NKIRAS1: variants seen among roughly 807,000 people sequenced by gnomAD.
The protein encoded by NKIRAS1 is NF-kappa-B inhibitor-interacting Ras-like protein 1.
In NKIRAS1, 16 loss-of-function variants were observed where a neutral mutation model predicts 19.8. That is an observed-to-expected ratio of 0.81 (90% CI 0.55 to 1.23). The LOEUF (loss-of-function observed/expected upper bound fraction) is 1.23, where lower values mean the gene tolerates loss of function less well. Ranked by LOEUF, NKIRAS1 falls within the 50% of genes most tolerant of loss-of-function variation. The pLI is 0.00. For missense variants in NKIRAS1, 184 were observed against 220.0 expected (o/e 0.84, Z 1.04); for synonymous variants, 88 against 79.0 (o/e 1.11, Z -0.61).
intron 4 of NKIRAS1, among the ~76,000 whole-genome samples, chr3:23,896,267 T>C (rs1201582839): frequency 2.6e-5 from 4 of 151,620 alleles, no homozygotes; most frequent in African/African-American, 9.7e-5. Flanking sequence ...CTCCAGCACT[T>C]AGTCCCCTCA....
At position 23,890,485 on chromosome 3, in the gene NKIRAS1, G is replaced by A. The variant is rs748902545; in HGVS notation, c.*2610C>T. The A allele has an allele frequency of 1.2e-6, 2 of 1,602,344 alleles. No individual in the cohort carries two copies. Among genetic ancestry groups the A allele is most frequent in the Admixed American group, 3.5e-5 (2 of 57,680 alleles). Reference sequence around the variant, plus strand: ...AAAATGTTCTTTTCCTTTCTCCAAAGTAATCTACATTCTTTTCTTCCAGCC... The same window carrying A: ...AAAATGTTCTTTTCCTTTCTCCAAAATAATCTACATTCTTTTCTTCCAGCC... On this transcript the variant is annotated 3_prime_UTR_variant, in exon 5 of 5. Transcript: ENST00000425478.
chr3:23,935,503 CCACTAA>C (rs1705377524), intron 1 of NKIRAS1, among the ~76,000 whole-genome samples: 1 of 152,110 alleles, frequency 6.6e-6, no homozygotes, highest in Non-Finnish European at 1.5e-5. Flanking sequence ...GGAGCCTCTA[CCACTAA>C]CACTTAGGCT....
At chr3:23,905,674 C>T (rs1320263359) in intron 3 of NKIRAS1, among the ~76,000 whole-genome samples, 1 of 151,916 alleles carries the variant, frequency 6.6e-6, no homozygotes, top group Non-Finnish European at 1.5e-5. Context: ...TATCTCAATT[C>T]GGAAGCCCCA....
intron 1 of NKIRAS1, among the ~76,000 whole-genome samples, chr3:23,935,169 C>G (rs1705372194): frequency 6.6e-6 from 1 of 151,538 alleles, no homozygotes; most frequent in African/African-American, 2.4e-5. Context: ...CAGAAACCAT[C>G]AGGCTTTAAA....
intron 1 of NKIRAS1, among the ~76,000 whole-genome samples, chr3:23,928,558 TATGTGGAAGCTGACTCCAA>T (rs1186780519): frequency 6.6e-6 from 1 of 151,830 alleles, no homozygotes; most frequent in Non-Finnish European, 1.5e-5. Flanking sequence ...GATAATGCCA[TATGTGGAAGCTGACTCCAA>T]GTCAAGATTT....
At chr3:23,946,352 C>T (rs1018255429) in exon 1 of NKIRAS1, 6 of 949,204 alleles carry the variant, frequency 6.3e-6, no homozygotes, top group Non-Finnish European at 7.5e-6. Context: ...AAGTGCAGGA[C>T]GAGGGCGTGC....
chr3:23,908,987 C>T (rs1053396454), intron 3 of NKIRAS1, among the ~76,000 whole-genome samples: 1 of 151,970 alleles, frequency 6.6e-6, no homozygotes, highest in Non-Finnish European at 1.5e-5. Context: ...TGAGCCATCA[C>T]GCCTGGCCAC....
At chr3:23,909,849 TTTTTGTTTTTTTTTG>T (rs1431412555) in intron 3 of NKIRAS1, among the ~76,000 whole-genome samples, 6 of 113,802 alleles carry the variant, frequency 5.3e-5, no homozygotes, top group Admixed American at 9.6e-5. Flanking sequence ...TGCAAAGTTG[TTTTTGTTTTTTTTTG>T]TTTTTTTTTT....
intron 1 of NKIRAS1, among the ~76,000 whole-genome samples, chr3:23,933,017 T>A (rs1332955292): frequency 6.6e-6 from 1 of 152,150 alleles, no homozygotes; most frequent in East Asian, 1.9e-4. Context: ...ATGGGGAGAC[T>A]TCAGGCCTAA....
chr3:23,890,449 C>G lies in NKIRAS1; in HGVS notation c.*2646G>C. On this transcript the variant is annotated 3_prime_UTR_variant, in exon 5 of 5. Transcript: ENST00000425478. ...CGTATCTACCCAAGCTGTCACTATT[C>G]GCTAAAGTTTAAAATGTTCTTTTCC... 1.3e-6 allele frequency: 2 copies of G among 1,541,436 alleles called. No homozygotes were observed. The highest frequency in any genetic ancestry group is 1.8e-6 in the Non-Finnish European group (2 of 1,131,832).
At chr3:23,944,324 T>C (rs567892842) in intron 1 of NKIRAS1, among the ~76,000 whole-genome samples, 25 of 152,264 alleles carry the variant, frequency 1.6e-4, no homozygotes, top group Admixed American at 5.9e-4. Flanking sequence ...CCACCTTCTA[T>C]AGTGAAGAAT....
rs1166466359 is a variant in NKIRAS1, at chr3:23,891,802, G to T, written c.*1293C>A. 1.3e-5 allele frequency: 2 copies of T among 152,196 alleles called. No homozygotes were observed. Among genetic ancestry groups the T allele is most frequent in the East Asian group, 3.8e-4 (2 of 5,202 alleles). The allele number at this position is 152,196 out of a possible 1,614,324, so 9.4% of individuals were successfully genotyped here. A position where few individuals can be genotyped will look rare whatever the true frequency, so the allele number is the denominator to read the frequency against. On this transcript the variant is annotated 3_prime_UTR_variant, in exon 5 of 5. Coordinates refer to ENST00000425478, the MANE Select transcript of NKIRAS1 (RefSeq NM_020345.4). ...CATTAGTAGGAAACAAAGCAAACTG[G>T]AAGGTACTTATTTAAAAATCATTAT...
At chr3:23,902,160 CA>C (rs549176146) in intron 3 of NKIRAS1, among the ~76,000 whole-genome samples, 5 of 152,144 alleles carry the variant, frequency 3.3e-5, no homozygotes, top group African/African-American at 4.8e-5. Context: ...ATACCCCCCC[CA>C]ATCATACTAT....
chr3:23,945,192 G>C (rs569009224), intron 1 of NKIRAS1: 1 of 32,724 alleles, frequency 3.1e-5, no homozygotes, highest in East Asian at 1.2e-3. Context: ...GGAGGGAGGG[G>C]AGCGGCGGGG....
At chr3:23,909,866 T>G (rs913667439) in intron 3 of NKIRAS1, among the ~76,000 whole-genome samples, 1 of 62,470 alleles carries the variant, frequency 1.6e-5, no homozygotes. Context: ...TTTTTTTTGT[T>G]TTTTTTTTTT....
rs754690877 is a variant in NKIRAS1, at chr3:23,890,390, C to G, written c.*2705G>C. The G allele has an allele frequency of 3.6e-6, 3 of 842,428 alleles. No homozygotes were observed. Among genetic ancestry groups the G allele is most frequent in the Non-Finnish European group, 3.6e-6 (2 of 561,234 alleles). 52.2% of individuals were successfully genotyped at this position (842,428 alleles called of 1,614,324 possible). ...TATCCAGCATGGTGGAGTGGTGTTT[C>G]GAAGATGGGTTTGATCACACATACT... On this transcript the variant is annotated 3_prime_UTR_variant, in exon 5 of 5. Coordinates refer to ENST00000425478, the MANE Select transcript of NKIRAS1 (RefSeq NM_020345.4).
chr3:23,934,071 G>C (rs1477136672), intron 1 of NKIRAS1, among the ~76,000 whole-genome samples: 2 of 152,306 alleles, frequency 1.3e-5, no homozygotes, highest in African/African-American at 4.8e-5. Flanking sequence ...TAATTTGGAG[G>C]AACACATTCA....
chr3:23,939,419 A>G (rs1705453203), intron 1 of NKIRAS1, among the ~76,000 whole-genome samples: 1 of 152,240 alleles, frequency 6.6e-6, no homozygotes, highest in Non-Finnish European at 1.5e-5. Context: ...ACTGATCAAG[A>G]AAGAAAAAGC....
rs896776891 is a variant in NKIRAS1 at position 23,927,707 on chromosome 3, A to C, written c.-139-16257T>G. Among the ~76,000 whole-genome samples the C allele has an allele frequency of 6.6e-6, 1 of 152,204 alleles. No homozygotes were observed. Among genetic ancestry groups the C allele is most frequent in the Non-Finnish European group, 1.5e-5 (1 of 68,040 alleles). ...CGAAACTTGTTTCTATGAGAGTGTA[A>C]ACATACTATTTAGCTTCCCGAGGTT... is the stretch of plus-strand genomic sequence containing the variant. On this transcript the variant is annotated intron_variant, in intron 1 of 4. Coordinates refer to the NKIRAS1 transcript ENST00000421515. The surrounding 1 kb of genome is among the most constrained non-coding windows in gnomAD (Gnocchi z 4.0).
Sources: gnomAD v4.1 joint callset for allele counts (sites outside exome capture counted in the v4.1 genomes callset) on GRCh38, gnomAD v4.1.1 for gene constraint, Gnocchi (gnomAD v3.1) non-coding constraint, MANE v1.5 for transcripts, NCBI Gene and HGNC (gene_info 2026-07-23, HGNC 2026-07-21) for gene names.